SFR1: variants seen among roughly 807,000 people sequenced by gnomAD.
SFR1 encodes the protein swi5-dependent recombination DNA repair protein 1 homolog.
SFR1 carries 24 observed loss-of-function variants against 26.2 expected under a neutral mutation model. That is an observed-to-expected ratio of 0.92 (90% confidence interval 0.66 to 1.29). The LOEUF is 1.29. Among genes scored for constraint, SFR1 ranks in the 50% most tolerant of loss-of-function variants. The pLI is 0.00. For synonymous variants in SFR1, 77 were observed against 96.6 expected, an observed-to-expected ratio of 0.80 and a Z score of 1.19; for missense variants, 276 against 270.2, an observed-to-expected ratio of 1.02 and a Z score of -0.15.
intron 3 of SFR1, among the ~76,000 whole-genome samples, chr10:104,124,970 A>T (rs1564697456): frequency 6.6e-6 from 1 of 151,814 alleles, no homozygotes; most frequent in Non-Finnish European, 1.5e-5. Flanking sequence ...CTAATTTTTT[A>T]AAATTATTTT....
upstream of SFR1, among the ~76,000 whole-genome samples, chr10:104,121,227 T>C (rs2086957889): frequency 6.6e-6 from 1 of 152,184 alleles, no homozygotes. Flanking sequence ...CTGCTTCCTG[T>C]GTTGCGCCAC....
At chr10:104,124,296 T>G (rs142894607) in intron 3 of SFR1, among the ~76,000 whole-genome samples, 172 bp downstream of exon 3, 5 of 152,112 alleles carry the variant, frequency 3.3e-5, no homozygotes, top group Non-Finnish European at 5.9e-5. Flanking sequence ...GAAAAGGCCC[T>G]TAAACACCAG....
At chr10:104,123,650 T>A (rs1476197485) in intron 2 of SFR1, 64 bp from the exon 3 acceptor site, 1 of 1,314,830 alleles carries the variant, frequency 7.6e-7, no homozygotes. Flanking sequence ...TTATTTCTGG[T>A]GATTTATTGA....
chr10:104,121,646 T>C (rs1391326848), upstream of SFR1, among the ~76,000 whole-genome samples: 2 of 152,042 alleles, frequency 1.3e-5, no homozygotes, highest in African/African-American at 4.8e-5. Flanking sequence ...AAGCCTTCAC[T>C]GTGACTAGCA....
chr10:104,122,423 A>T, intron 1 of SFR1: 1 of 985,400 alleles, frequency 1.0e-6, no homozygotes, highest in Non-Finnish European at 1.2e-6. Flanking sequence ...AAGCAATTTC[A>T]GTCCACTCTC....
At chr10:104,122,805 A>G (rs1280233765) in intron 1 of SFR1, 160 bp from the exon 2 acceptor site, 2 of 1,526,700 alleles carry the variant, frequency 1.3e-6, no homozygotes, top group Admixed American at 4.1e-5. Context: ...AGGTAAATGG[A>G]AAACTGCAAA....
upstream of SFR1, chr10:104,122,037 C>G (rs1308163849): frequency 1.3e-5 from 13 of 984,706 alleles, no homozygotes; most frequent in South Asian, 1.9e-4. Context: ...CGCAGTCCCA[C>G]CGCTCTGAGT....
chr10:104,122,283 G>A, intron 1 of SFR1, 87 bp downstream of exon 1: 3 of 1,450,410 alleles, frequency 2.1e-6, no homozygotes, highest in Non-Finnish European at 2.7e-6. Flanking sequence ...CCCTTTCCGG[G>A]TCTGGGGAAC....
At chr10:104,123,339 G>A in intron 2 of SFR1, 1 of 434,622 alleles carries the variant, frequency 2.3e-6, no homozygotes, top group East Asian at 3.7e-5. Flanking sequence ...TCCAGATGGA[G>A]AAAGTTTGCA....
At chr10:104,121,414 A>G (rs567732830), upstream of SFR1, among the ~76,000 whole-genome samples, 17 of 152,340 alleles carry the variant, frequency 1.1e-4, no homozygotes, top group Admixed American at 9.8e-4. Context: ...GAGCTCAGCT[A>G]AAGTGCCGGG....
In SFR1 at chr10:104,123,064, A is replaced by G. The variant is rs753777639; in HGVS notation, c.113A>G (p.Tyr38Cys). Reference sequence around the variant, plus strand: ...GCCTCTGCGAATCCATCATCTCCCTATACAAATAGTTCCCGAAAACAAGTA... The same window carrying G: ...GCCTCTGCGAATCCATCATCTCCCTGTACAAATAGTTCCCGAAAACAAGTA... ...PQASANPSSP[Y>C]TNSSRKQPMS... Residue 38 changes from tyrosine to cysteine, a missense_variant, in exon 2 of 4, where the codon TAT becomes TGT. Transcript: ENST00000369727. 1.1e-5 allele frequency: 17 copies of G among 1,576,064 alleles called. No individual in the cohort carries two copies. The highest frequency in any genetic ancestry group is 1.3e-5 in the Non-Finnish European group (15 of 1,164,538).
At chr10:104,121,585 A>T (rs1475430765), upstream of SFR1, among the ~76,000 whole-genome samples, 1 of 152,150 alleles carries the variant, frequency 6.6e-6, no homozygotes, top group Non-Finnish European at 1.5e-5. Flanking sequence ...ACAAGCTGTA[A>T]ATCTAACATG....
upstream of SFR1, chr10:104,121,984 T>A (rs2086967229): frequency 3.6e-6 from 2 of 557,626 alleles, no homozygotes; most frequent in Non-Finnish European, 6.3e-6. Flanking sequence ...TCCCATCGTG[T>A]GGGCCAAGCC....
chr10:104,122,250 C>T (rs1311201044), intron 1 of SFR1, 54 bp downstream of exon 1: 4 of 1,507,200 alleles, frequency 2.7e-6, no homozygotes, highest in East Asian at 2.6e-5. Context: ...CCCCGGGAGT[C>T]GGCTGTGGAG....
chr10:104,124,219 A>AAATT, intron 3 of SFR1, 95 bp downstream of exon 3: 1 of 1,125,322 alleles, frequency 8.9e-7, no homozygotes, highest in South Asian at 2.1e-5. Flanking sequence ...TTACCATAAT[A>AAATT]AGCAATAAGC....
Position 104,125,506 on chromosome 10 carries a change from G to A in SFR1, c.547-7G>A, listed in dbSNP as rs766535869. On this transcript the variant is annotated splice_polypyrimidine_tract_variant and splice_region_variant and intron_variant, in intron 3 of 3. Coordinates refer to ENST00000369727, the MANE Select transcript of SFR1 (RefSeq NM_001002759.2). ...TATTGACATACATGTTTTTTTTTCTGTTTCAGAATGATCTGTCTCAGTTAC... is the reference window on the plus strand; with the variant it reads ...TATTGACATACATGTTTTTTTTTCTATTTCAGAATGATCTGTCTCAGTTAC... 36 of 1,587,094 alleles carry A rather than the reference G, an allele frequency of 2.3e-5. No individual in the cohort carries two copies. The highest frequency in any genetic ancestry group is 2.7e-5 in the Non-Finnish European group (32 of 1,170,664).
chr10:104,121,365 G>A (rs2086959023), upstream of SFR1, among the ~76,000 whole-genome samples: 1 of 152,124 alleles, frequency 6.6e-6, no homozygotes, highest in South Asian at 2.1e-4. Context: ...ACCTCGCGAC[G>A]GGACCGCCGA....
upstream of SFR1, among the ~76,000 whole-genome samples, chr10:104,121,218 T>C (rs562297980): frequency 1.5e-3 from 231 of 152,310 alleles, no homozygotes; most frequent in Non-Finnish European, 2.6e-3. Flanking sequence ...GTGATTGTTC[T>C]GCTTCCTGTG....
chr10:104,122,523 G>A, intron 1 of SFR1: 1 of 985,414 alleles, frequency 1.0e-6, no homozygotes. Context: ...CGGGCCGGCA[G>A]GGTAACGGGT....
Sources: gnomAD v4.1 joint callset for allele counts (sites outside exome capture counted in the v4.1 genomes callset) on GRCh38, gnomAD v4.1.1 for gene constraint, MANE v1.5 for transcripts, NCBI Gene and HGNC (gene_info 2026-07-23, HGNC 2026-07-21) for gene names.